The following NSD3 variants were observed in gnomAD, a reference collection of about 807,000 sequenced individuals.
NSD3 encodes the protein nuclear receptor binding SET domain protein 3.
In NSD3, 24 loss-of-function variants were observed where a neutral mutation model predicts 160.8. The observed-to-expected ratio is 0.15, with a 90% CI of 0.11 to 0.21. NSD3 has a LOEUF of 0.21. Among genes scored for constraint, NSD3 ranks in the 10% least tolerant of loss-of-function variants. The pLI, the probability that NSD3 is intolerant of heterozygous loss-of-function variation, is 1.00. For synonymous variants in NSD3, 520 were observed against 600.0 expected, an observed-to-expected ratio of 0.87 and a Z score of 1.95; for missense variants, 1,157 against 1,735.9, an observed-to-expected ratio of 0.67 and a Z score of 5.93.
intron 4 of NSD3, chr8:38,336,038 G>C (rs1181919700): frequency 6.6e-6 from 1 of 152,236 alleles, no homozygotes; most frequent in Non-Finnish European, 1.5e-5. Context: ...TATACTGGGA[G>C]AGATTCTTGG....
chr8:38,313,325 G>T (rs1809577699), intron 12 of NSD3, among the ~76,000 whole-genome samples: 1 of 152,058 alleles, frequency 6.6e-6, no homozygotes, highest in South Asian at 2.1e-4. Context: ...AATAAATCTG[G>T]AGTCCAGCTG....
intron 1 of NSD3, among the ~76,000 whole-genome samples, chr8:38,361,031 T>C (rs1456072023): frequency 1.3e-5 from 2 of 152,088 alleles, no homozygotes; most frequent in African/African-American, 2.4e-5. Context: ...GAAGGAGAAA[T>C]AATTTTTTTT....
intron 12 of NSD3, 22 bp downstream of exon 12, chr8:38,314,625 C>T (rs1809613631): frequency 6.2e-7 from 1 of 1,613,748 alleles, no homozygotes; most frequent in African/African-American, 1.3e-5. Context: ...CTTTTCATGA[C>T]TATCGAAATA....
chr8:38,332,337 A>C (rs796324883), intron 4 of NSD3, among the ~76,000 whole-genome samples: 1 of 151,922 alleles, frequency 6.6e-6, no homozygotes, highest in African/African-American at 2.4e-5. Context: ...GGGTCTTGCT[A>C]TGTTGCCCAG....
At chr8:38,322,150 T>A (rs146251430) in intron 7 of NSD3, among the ~76,000 whole-genome samples, 1 of 152,242 alleles carries the variant, frequency 6.6e-6, no homozygotes, top group African/African-American at 2.4e-5. Flanking sequence ...GCCTTTCATA[T>A]AACCTTTATA....
Position 38,316,581 on chromosome 8 carries a change from T to C in NSD3, c.1856-539A>G, listed in dbSNP as rs1392041587. 13 of 1,051,090 alleles carry C rather than the reference T, an allele frequency of 1.2e-5. No individual in the cohort carries two copies. The highest frequency in any genetic ancestry group is 3.3e-5 in the African/African-American group (2 of 60,200). 65.1% of individuals were successfully genotyped at this position (1,051,090 alleles called of 1,614,324 possible). A position where few individuals can be genotyped will look rare whatever the true frequency, so the allele number is the denominator to read the frequency against. On this transcript the variant is annotated intron_variant, in intron 9 of 23. Coordinates refer to ENST00000317025, the MANE Select transcript of NSD3 (RefSeq NM_023034.2). This position sits in a 1 kb window ranked among gnomAD's most constrained non-coding sequence, Gnocchi z 4.5. Reference sequence around the variant, plus strand: ...AATAAAATTTGGATGTTCATAATTGTTCATCTGAGACTTCCTTGGTGAAGT... The same window carrying C: ...AATAAAATTTGGATGTTCATAATTGCTCATCTGAGACTTCCTTGGTGAAGT...
intron 22 of NSD3, 96 bp from the exon 23 acceptor site, chr8:38,276,596 A>G: frequency 7.5e-7 from 1 of 1,328,796 alleles, no homozygotes. Context: ...ATTTAAATTC[A>G]TCTGTTGTAC....
intron 21 of NSD3, 116 bp downstream of exon 21, chr8:38,279,424 C>T: frequency 8.1e-7 from 1 of 1,238,020 alleles, no homozygotes; most frequent in South Asian, 1.7e-5. Flanking sequence ...TAAATATAAC[C>T]TTCCTCTTAT....
chr8:38,316,728 G>C lies in NSD3; in HGVS notation c.1856-686C>G, dbSNP rs1809674903. ...TGTTCAAGTGCAGCCAAATCACGTA[G>C]AGCTGGATGGGAAGGCCTCTATGTG... On this transcript the variant is annotated intron_variant, in intron 9 of 23. Transcript: ENST00000317025. This position sits in a 1 kb window ranked among gnomAD's most constrained non-coding sequence, Gnocchi z 4.5. 2 of 1,056,936 alleles carry C rather than the reference G, an allele frequency of 1.9e-6. No homozygotes were observed. The highest frequency in any genetic ancestry group is 5.4e-5 in the Admixed American group (1 of 18,422). 65.5% of individuals were successfully genotyped at this position (1,056,936 alleles called of 1,614,324 possible).
At chr8:38,351,786 C>A (rs1810708400) in intron 1 of NSD3, among the ~76,000 whole-genome samples, 1 of 151,912 alleles carries the variant, frequency 6.6e-6, no homozygotes, top group Non-Finnish European at 1.5e-5. Flanking sequence ...AAACCAAACA[C>A]CGCAGGTTCT....
At chr8:38,315,625 G>T in intron 10 of NSD3, 81 bp from the exon 11 acceptor site, 1 of 1,563,336 alleles carries the variant, frequency 6.4e-7, no homozygotes, top group Non-Finnish European at 8.7e-7. Flanking sequence ...ATCCTAGTAA[G>T]ACTTGCTCAA....
chr8:38,335,053 G>A (rs528148870), intron 4 of NSD3, among the ~76,000 whole-genome samples: 22 of 148,064 alleles, frequency 1.5e-4, no homozygotes, highest in African/African-American at 5.0e-4. Context: ...GGTGGATCTC[G>A]GCTCACTGCA....
At position 38,320,981 on chromosome 8, in the gene NSD3, G is replaced by A; in HGVS notation, c.1809+91C>T. On this transcript the variant is annotated intron_variant, in intron 8 of 23. Transcript: ENST00000317025. ...ATAGTCCAGAAAGGAAACTCAGTGTGGGGGAAAGTTTCTCTTTCTTTTAAG... is the reference window on the plus strand; with the variant it reads ...ATAGTCCAGAAAGGAAACTCAGTGTAGGGGAAAGTTTCTCTTTCTTTTAAG... 4.0e-6 allele frequency: 5 copies of A among 1,238,508 alleles called. No homozygotes were observed. The South Asian group carries it at 5.0e-5, about 12-fold the overall frequency. 76.7% of individuals were successfully genotyped at this position (1,238,508 alleles called of 1,614,324 possible).
chr8:38,286,824 G>A (rs1024184443), intron 19 of NSD3, among the ~76,000 whole-genome samples: 2 of 152,260 alleles, frequency 1.3e-5, no homozygotes, highest in East Asian at 1.9e-4. Flanking sequence ...CCAGTCTGAC[G>A]TGCTCTTCTC....
intron 2 of NSD3, 25 bp downstream of exon 2, chr8:38,347,472 T>A: frequency 1.0e-5 from 16 of 1,540,022 alleles, no homozygotes; most frequent in Non-Finnish European, 1.4e-5. Context: ...ATAACAAAAT[T>A]TTTCAAAACG....
At chr8:38,371,937 A>G (rs1811251294) in intron 1 of NSD3, among the ~76,000 whole-genome samples, 1 of 152,216 alleles carries the variant, frequency 6.6e-6, no homozygotes, top group Admixed American at 6.5e-5. Flanking sequence ...CTTGAAGGCC[A>G]GGAAAGCATA....
chr8:38,321,199 A>C lies in NSD3; in HGVS notation c.1709-27T>G. 1 of 1,589,050 alleles carries C rather than the reference A, an allele frequency of 6.3e-7. No homozygotes were observed. Among genetic ancestry groups the C allele is most frequent in the Non-Finnish European group, 8.6e-7 (1 of 1,164,914 alleles). On this transcript the variant is annotated intron_variant, in intron 7 of 23. Transcript: ENST00000317025. This position sits in a 1 kb window ranked among gnomAD's most constrained non-coding sequence, Gnocchi z 4.7. ...TAAGAAATGATTTAAACACACAAAC[A>C]AAAACTCACTTAAGGATACCTTGAC...
intron 16 of NSD3, among the ~76,000 whole-genome samples, chr8:38,291,491 A>C (rs1808996737): frequency 6.6e-6 from 1 of 152,218 alleles, no homozygotes; most frequent in Non-Finnish European, 1.5e-5. Flanking sequence ...TTTTTAACAC[A>C]TAACTGTATT....
At chr8:38,320,991 TTC>T in intron 8 of NSD3, 79 bp downstream of exon 8, 1 of 1,366,030 alleles carries the variant, frequency 7.3e-7, no homozygotes, top group Non-Finnish European at 1.0e-6. Context: ...GGGGGAAAGT[TTC>T]TCTTTCTTTT....
Sources: allele counts gnomAD v4.1 joint callset (sites outside exome capture counted in the v4.1 genomes callset), GRCh38; gene constraint gnomAD v4.1.1; non-coding constraint Gnocchi (gnomAD v3.1); transcripts MANE v1.5; gene names NCBI Gene and HGNC (gene_info 2026-07-23, HGNC 2026-07-21).